The following TRAK1 variants were observed in gnomAD, a reference collection of about 807,000 sequenced individuals.
TRAK1 encodes trafficking kinesin-binding protein 1.
In TRAK1, 33 loss-of-function variants were observed where a neutral mutation model predicts 92.1. The ratio of observed to expected loss-of-function variants is 0.36; its 90% CI spans 0.27 to 0.48. The LOEUF (loss-of-function observed/expected upper bound fraction) is 0.48. Ranked by LOEUF, TRAK1 falls within the 20% of genes least tolerant of loss-of-function variation. The pLI is 0.99. For missense variants in TRAK1, 1,123 were observed against 1,257.9 expected, an observed-to-expected ratio of 0.89 and a Z score of 1.62; for synonymous variants, 521 against 517.3, an observed-to-expected ratio of 1.01 and a Z score of -0.10.
chr3:42,203,144 G>A, intron 13 of TRAK1: 2 of 1,211,898 alleles, frequency 1.7e-6, no homozygotes, highest in South Asian at 8.6e-5. Flanking sequence ...TAATGCTTTA[G>A]CTTTTCTGCA....
At chr3:42,114,484 T>A (rs1173558055) in intron 1 of TRAK1, among the ~76,000 whole-genome samples, 1 of 152,168 alleles carries the variant, frequency 6.6e-6, no homozygotes, top group Non-Finnish European at 1.5e-5. Flanking sequence ...TTCTTAGATT[T>A]AATCCCAGGT....
intron 4 of TRAK1, among the ~76,000 whole-genome samples, chr3:42,185,287 A>G (rs1331289977): frequency 6.6e-6 from 1 of 152,150 alleles, no homozygotes; most frequent in Non-Finnish European, 1.5e-5. Flanking sequence ...GAAAGTGGTG[A>G]CTCACATTCA....
chr3:42,194,103 G>A (rs1706223340), intron 9 of TRAK1, among the ~76,000 whole-genome samples: 1 of 152,188 alleles, frequency 6.6e-6, no homozygotes, highest in African/African-American at 2.4e-5. Context: ...CTGTGTGGCA[G>A]GGCTCTACAC....
intron 2 of TRAK1, among the ~76,000 whole-genome samples, chr3:42,137,866 AT>A (rs1399997495): frequency 6.6e-6 from 1 of 152,234 alleles, no homozygotes; most frequent in African/African-American, 2.4e-5. Context: ...CAAATCACTT[AT>A]CACTGCATTG....
rs570911880 is a variant in TRAK1, at chr3:42,118,435, A to G, written c.92-6985A>G. Reference sequence around the variant, plus strand: ...AGGTTCTCTGAGTGTTAAATGTTGGACACTAATTTAGAGCTATTGCCTTTG... The same window carrying G: ...AGGTTCTCTGAGTGTTAAATGTTGGGCACTAATTTAGAGCTATTGCCTTTG... On this transcript the variant is annotated intron_variant, in intron 1 of 15. Transcript: ENST00000327628. Among the ~76,000 whole-genome samples, 19 of 152,332 alleles carry G rather than the reference A, an allele frequency of 1.2e-4. No individual in the cohort carries two copies. In the South Asian group the frequency reaches 3.3e-3, roughly 27 times the overall value.
At chr3:42,176,788 C>T in intron 2 of TRAK1, 26 bp from the exon 3 acceptor site, 2 of 1,605,274 alleles carry the variant, frequency 1.2e-6, no homozygotes, top group South Asian at 2.2e-5. Context: ...CATTGGGAGT[C>T]TCATTGTCAT....
chr3:42,054,984 G>T (rs1703142475), intron 1 of TRAK1, among the ~76,000 whole-genome samples: 1 of 134,874 alleles, frequency 7.4e-6, no homozygotes, highest in Non-Finnish European at 1.5e-5. Flanking sequence ...ACAGTGGCGC[G>T]ATCTGGCTTA....
chr3:42,111,340 C>T (rs1277549604), intron 1 of TRAK1, among the ~76,000 whole-genome samples: 1 of 152,062 alleles, frequency 6.6e-6, no homozygotes, highest in Non-Finnish European at 1.5e-5. Context: ...CAAAACAAAC[C>T]TCCTTATTGT....
intron 2 of TRAK1, chr3:42,151,419 T>C: frequency 2.2e-6 from 1 of 455,850 alleles, no homozygotes; most frequent in South Asian, 1.6e-5. Context: ...AGGAGATGGC[T>C]CAACTGTTCA....
intron 1 of TRAK1, among the ~76,000 whole-genome samples, chr3:42,057,416 TTTC>T (rs1703246331): frequency 1.3e-5 from 2 of 152,218 alleles, no homozygotes; most frequent in Admixed American, 1.3e-4. Context: ...TCTGCCACAC[TTTC>T]TTCTTTCCTA....
Position 42,202,377 on chromosome 3 carries a change from G to C in TRAK1, c.1428-59G>C. On this transcript the variant is annotated intron_variant, in intron 12 of 15. Transcript: ENST00000327628. This position sits in a 1 kb window ranked among gnomAD's most constrained non-coding sequence, Gnocchi z 6.1. ...CCACCGCTGTGCATTGAGCAGTCGG[G>C]CCTCTGTGGCCTTGGAGCCCTGCTG... The C allele has an allele frequency of 7.0e-7, 1 of 1,436,198 alleles. No homozygotes were observed. The allele number at this position is 1,436,198 out of a possible 1,614,324, so 89.0% of individuals were successfully genotyped here. A position where few individuals can be genotyped will look rare whatever the true frequency, so the allele number is the denominator to read the frequency against.
chr3:42,064,902 A>G (rs1018367154), intron 1 of TRAK1, among the ~76,000 whole-genome samples: 2 of 151,956 alleles, frequency 1.3e-5, no homozygotes, highest in Non-Finnish European at 2.9e-5. Flanking sequence ...AATAACAAAA[A>G]ATTAGCCAGG....
chr3:42,128,277 A>C (rs929537497), intron 2 of TRAK1, among the ~76,000 whole-genome samples: 1 of 152,240 alleles, frequency 6.6e-6, no homozygotes, highest in African/African-American at 2.4e-5. Context: ...TTATACAGTT[A>C]AGAAAAAAGG....
chr3:42,125,393 C>T, intron 1 of TRAK1, 27 bp from the exon 2 acceptor site: 5 of 1,603,286 alleles, frequency 3.1e-6, no homozygotes, highest in Non-Finnish European at 4.3e-6. Flanking sequence ...TTTCTGGGCT[C>T]TCATTTCTTG....
chr3:42,219,321 A>AT, intron 14 of TRAK1, 173 bp from the exon 15 acceptor site: 9 of 984,938 alleles, frequency 9.1e-6, no homozygotes, highest in Non-Finnish European at 1.1e-5. Flanking sequence ...AATTGTGGTT[A>AT]TTTTTGAGGA....
chr3:42,219,460 A>G, intron 14 of TRAK1, 34 bp from the exon 15 acceptor site: 5 of 1,613,876 alleles, frequency 3.1e-6, no homozygotes, highest in Non-Finnish European at 4.2e-6. Flanking sequence ...TTGTACTTGG[A>G]TGCAAGGAAT....
At chr3:42,213,903 A>G (rs1709370987) in intron 14 of TRAK1, among the ~76,000 whole-genome samples, 1 of 152,124 alleles carries the variant, frequency 6.6e-6, no homozygotes, top group Non-Finnish European at 1.5e-5. Context: ...TTATGGACAG[A>G]GTGGATAGTT....
chr3:42,188,086 G>T lies in TRAK1; in HGVS notation c.522G>T (p.Leu174=). The T allele has an allele frequency of 1.2e-6, 2 of 1,614,002 alleles. No homozygotes were observed. Among genetic ancestry groups the T allele is most frequent in the South Asian group, 1.1e-5 (1 of 91,074 alleles). Residue 174 remains leucine, a synonymous_variant, in exon 5 of 16, where the codon CTG becomes CTT. Transcript: ENST00000327628. The stretch of plus-strand genomic sequence containing the variant: ...ATGAGCTGTCCATGAAGGATGAGCT[G>T]CTTCAGTTCTACACCAGCGCTGCGG... ...LRHELSMKDE[L]LQFYTSAAEE... is the part of the protein sequence containing the mutation.
At chr3:42,204,859 G>A (rs775987483) in intron 13 of TRAK1, among the ~76,000 whole-genome samples, 2 of 152,176 alleles carry the variant, frequency 1.3e-5, no homozygotes, top group Non-Finnish European at 2.9e-5. Flanking sequence ...TAGGATTACA[G>A]GCATGAGTCA....
Sources: allele counts gnomAD v4.1 joint callset (sites outside exome capture counted in the v4.1 genomes callset), GRCh38; gene constraint gnomAD v4.1.1; non-coding constraint Gnocchi (gnomAD v3.1); transcripts MANE v1.5; gene names NCBI Gene and HGNC (gene_info 2026-07-23, HGNC 2026-07-21).